Variants in NAV3 observed in about 807,000 individuals in gnomAD.
NAV3 encodes pore membrane and/or filament interacting like protein 1.
In NAV3, 87 loss-of-function variants were observed where a neutral mutation model predicts 244.7. That is an observed-to-expected ratio of 0.36 (90% CI 0.30 to 0.42). The LOEUF (loss-of-function observed/expected upper bound fraction) is 0.42, where lower values mean the gene tolerates loss of function less well. NAV3 is among the 20% of genes least tolerant of loss of function. The probability of loss-of-function intolerance (pLI) is 1.00; values close to 1 mark genes in which losing one functional copy is unlikely to be tolerated. For synonymous variants in NAV3, 1,126 were observed against 1,042.2 expected (o/e 1.08, Z -1.55); for missense variants, 2,663 against 2,893.3 (o/e 0.92, Z 1.83).
chr12:77,676,117 TG>T (rs1283686348), intron 2 of NAV3, among the ~76,000 whole-genome samples: 1 of 152,102 alleles, frequency 6.6e-6, no homozygotes, highest in Non-Finnish European at 1.5e-5. Context: ...CTAGGATACA[TG>T]TGCTGAACGT....
intron 2 of NAV3, among the ~76,000 whole-genome samples, chr12:77,809,438 C>T (rs1165536879): frequency 2.0e-5 from 3 of 152,206 alleles, no homozygotes; most frequent in Admixed American, 6.5e-5. Context: ...TTCCTCAACC[C>T]CTTGTGCTTC....
At chr12:77,587,611 C>T (rs1273216501) in intron 2 of NAV3, among the ~76,000 whole-genome samples, 1 of 152,084 alleles carries the variant, frequency 6.6e-6, no homozygotes, top group African/African-American at 2.4e-5. Flanking sequence ...TATAGAAGTT[C>T]ATTTTCATTG....
At chr12:77,749,415 A>G (rs1318460557) in intron 2 of NAV3, among the ~76,000 whole-genome samples, 2 of 152,222 alleles carry the variant, frequency 1.3e-5, no homozygotes, top group African/African-American at 2.4e-5. Context: ...GATGTTACAG[A>G]TGAGAAAAAG....
At chr12:78,043,211 T>C (rs182190318) in intron 9 of NAV3, among the ~76,000 whole-genome samples, 54 of 152,300 alleles carry the variant, frequency 3.5e-4, no homozygotes, top group African/African-American at 1.2e-3. Context: ...TGTGTTAGTT[T>C]GCAGAGAATG....
chr12:78,199,245 T>C, intron 36 of NAV3, 90 bp from the exon 37 acceptor site: 1 of 1,027,578 alleles, frequency 9.7e-7, no homozygotes. Context: ...TGGAAAGTAA[T>C]AATGAATAAA....
chr12:78,055,539 C>T (rs1283368728), intron 11 of NAV3, among the ~76,000 whole-genome samples: 1 of 152,244 alleles, frequency 6.6e-6, no homozygotes, highest in African/African-American at 2.4e-5. Flanking sequence ...ATAAAACCCT[C>T]GCTGATGTTT....
chr12:78,102,006 C>G (rs1868371), intron 12 of NAV3, among the ~76,000 whole-genome samples: 30,280 of 152,042 alleles, frequency 0.2, 3,092 homozygotes, highest in Non-Finnish European at 0.23. Flanking sequence ...GTGATAGGAT[C>G]TTTTAAAAGT....
At chr12:77,826,974 C>A (rs1592717313), upstream of NAV3, among the ~76,000 whole-genome samples, 1 of 152,258 alleles carries the variant, frequency 6.6e-6, no homozygotes, top group African/African-American at 2.4e-5. Context: ...GTAATCCCAG[C>A]ACTTTGGGAG....
At chr12:77,952,264 C>A (rs549872602) in intron 3 of NAV3, among the ~76,000 whole-genome samples, 8 of 152,106 alleles carry the variant, frequency 5.3e-5, no homozygotes, top group African/African-American at 1.9e-4. Flanking sequence ...TTATTTTATA[C>A]ATCATGTCTT....
chr12:77,857,292 G>A (rs559947405), intron 1 of NAV3, among the ~76,000 whole-genome samples: 1 of 152,040 alleles, frequency 6.6e-6, no homozygotes, highest in Admixed American at 6.6e-5. Context: ...GCTTTTCAGT[G>A]CCTGGAATAG....
At chr12:77,729,793 A>T (rs1217188172) in intron 2 of NAV3, among the ~76,000 whole-genome samples, 2 of 151,984 alleles carry the variant, frequency 1.3e-5, no homozygotes, top group Non-Finnish European at 2.9e-5. Flanking sequence ...AAATTAAATC[A>T]GAAATATTCT....
intron 2 of NAV3, among the ~76,000 whole-genome samples, chr12:77,708,013 G>C (rs372494309): frequency 1.3e-5 from 2 of 152,162 alleles, no homozygotes; most frequent in South Asian, 4.1e-4. Context: ...TAGGTTGCCT[G>C]TTCACTCTGA....
At chr12:78,043,384 A>G (rs913623435) in intron 9 of NAV3, among the ~76,000 whole-genome samples, 6 of 152,216 alleles carry the variant, frequency 3.9e-5, no homozygotes, top group Admixed American at 2.6e-4. Flanking sequence ...CAGTGCTGCA[A>G]TAAACATACG....
At chr12:77,753,944 A>G (rs1429025986) in intron 2 of NAV3, among the ~76,000 whole-genome samples, 1 of 152,166 alleles carries the variant, frequency 6.6e-6, no homozygotes, top group Non-Finnish European at 1.5e-5. Flanking sequence ...TCAGACTGCT[A>G]CCTTTAGTGC....
chr12:77,812,175 T>C (rs1259366902), intron 2 of NAV3, among the ~76,000 whole-genome samples: 2 of 152,192 alleles, frequency 1.3e-5, no homozygotes, highest in Admixed American at 1.3e-4. Context: ...GATTATTTAA[T>C]TGAGACAAAC....
In NAV3 at chr12:77,887,339, T is replaced by C. The variant is rs113188014; in HGVS notation, c.244-52980T>C. ...GGTTGAATCCTTAAAACTACATATCTTCTGCTTCAGTGGGAACTTAGAATT... is the reference window on the plus strand; with the variant it reads ...GGTTGAATCCTTAAAACTACATATCCTCTGCTTCAGTGGGAACTTAGAATT... On this transcript the variant is annotated intron_variant, in intron 1 of 39. Transcript: ENST00000397909. Among the ~76,000 whole-genome samples the C allele has an allele frequency of 5.3e-3, 810 of 152,258 alleles. 7 individuals carry two copies. The highest frequency in any genetic ancestry group is 9.5e-3 in the South Asian group (46 of 4,828).
At chr12:78,059,679 T>A (rs1884044966) in intron 12 of NAV3, among the ~76,000 whole-genome samples, 1 of 152,206 alleles carries the variant, frequency 6.6e-6, no homozygotes. Context: ...TGGGGAGATT[T>A]TTTTTTAATT....
intron 30 of NAV3, among the ~76,000 whole-genome samples, chr12:78,184,082 C>T (rs1380244753): frequency 6.6e-6 from 1 of 151,888 alleles, no homozygotes; most frequent in African/African-American, 2.4e-5. Flanking sequence ...AGGCTCCCTT[C>T]AGTTACTTTC....
Position 77,676,559 on chromosome 12 carries a change from C to CTTT in NAV3, c.72+104304_72+104306dup, listed in dbSNP as rs35737201. Among the ~76,000 whole-genome samples, 174 of 145,042 alleles carry CTTT rather than the reference C, an allele frequency of 1.2e-3. 1 individual carries two copies. Among genetic ancestry groups the CTTT allele is most frequent in the East Asian group, 2.0e-3 (10 of 4,982 alleles). ...GCTGGTAAGCCTACCCCTTTAAAGC[C>CTTT]TTTTTTTTTTTTTAAATTTTTTAAA... is the stretch of plus-strand genomic sequence containing the variant. On this transcript the variant is annotated intron_variant, in intron 2 of 8. Transcript: ENST00000550042.
Sources: allele counts gnomAD v4.1 joint callset (sites outside exome capture counted in the v4.1 genomes callset), GRCh38; gene constraint gnomAD v4.1.1; transcripts MANE v1.5; gene names NCBI Gene and HGNC (gene_info 2026-07-23, HGNC 2026-07-21).